The following KIF15 variants were observed in gnomAD, a reference collection of about 807,000 sequenced individuals.
KIF15 encodes kinesin family member 15.
Under a neutral mutation model 190.6 loss-of-function variants are expected in KIF15, and 140 were observed. The observed-to-expected ratio is 0.73, with a 90% CI of 0.64 to 0.84. KIF15 has a LOEUF of 0.84. Among genes scored for constraint, KIF15 ranks in the 40% least tolerant of loss-of-function variants. KIF15 has a pLI of 0.00. For synonymous variants in KIF15, 528 were observed against 551.3 expected (o/e 0.96, Z 0.59); for missense variants, 1,372 against 1,584.4 (o/e 0.87, Z 2.28).
chr3:44,845,350 G>T (rs1210234921), intron 30 of KIF15, among the ~76,000 whole-genome samples: 1 of 152,148 alleles, frequency 6.6e-6, no homozygotes, highest in Non-Finnish European at 1.5e-5. Context: ...TGTATTGGTG[G>T]ATATGGGGGC....
At chr3:44,788,828 C>G (rs1329268801) in intron 7 of KIF15, among the ~76,000 whole-genome samples, 3 of 152,150 alleles carry the variant, frequency 2.0e-5, no homozygotes, top group African/African-American at 7.2e-5. Context: ...TCTTAGAATA[C>G]ATAGTAGAAC....
At chr3:44,861,594 C>A (rs1406046745) in intron 6 of KIF15, among the ~76,000 whole-genome samples, 4 of 152,130 alleles carry the variant, frequency 2.6e-5, no homozygotes, top group African/African-American at 9.6e-5. Flanking sequence ...TAATAAGTTT[C>A]ACCGGGAGCC....
chr3:44,832,996 C>T (rs926082716), intron 26 of KIF15, among the ~76,000 whole-genome samples: 32 of 115,942 alleles, frequency 2.8e-4, no homozygotes, highest in African/African-American at 9.4e-4. Context: ...GGTGACAGAT[C>T]GAGACTCCAT....
chr3:44,824,231 A>G (rs1189370484), intron 20 of KIF15, among the ~76,000 whole-genome samples: 1 of 152,244 alleles, frequency 6.6e-6, no homozygotes, highest in Non-Finnish European at 1.5e-5. Flanking sequence ...GTGTTTTATT[A>G]TAAAAATCTA....
At chr3:44,829,577 T>C (rs1271289309) in intron 24 of KIF15, among the ~76,000 whole-genome samples, 1 of 129,196 alleles carries the variant, frequency 7.7e-6, no homozygotes, top group Non-Finnish European at 1.6e-5. Flanking sequence ...ATATATTATA[T>C]ATGTATATAT....
At chr3:44,839,361 AG>A (rs1698481174) in intron 27 of KIF15, among the ~76,000 whole-genome samples, 1 of 152,030 alleles carries the variant, frequency 6.6e-6, no homozygotes. Context: ...CGACAGAGAG[AG>A]ACTCCATCTC....
At position 44,799,858 on chromosome 3, in the gene KIF15, T is replaced by C. The variant is rs117143017; in HGVS notation, c.1099-456T>C. Among the ~76,000 whole-genome samples, 124 of 152,124 alleles carry C rather than the reference T, an allele frequency of 8.2e-4. 1 individual carries two copies. The East Asian group carries it at 0.022, about 27-fold the overall frequency. Reference sequence around the variant, plus strand: ...GGATTCCTCTGGAGAAGGTTGCTTCTGCCAAGCTCAAGCCCACCCTGCAAG... The same window carrying C: ...GGATTCCTCTGGAGAAGGTTGCTTCCGCCAAGCTCAAGCCCACCCTGCAAG... On this transcript the variant is annotated intron_variant, in intron 10 of 34. Coordinates refer to ENST00000326047, the MANE Select transcript of KIF15 (RefSeq NM_020242.3).
chr3:44,864,444 A>G, intron 6 of KIF15: 1 of 1,476,546 alleles, frequency 6.8e-7, no homozygotes, highest in Non-Finnish European at 9.3e-7. Flanking sequence ...AAGGACAGGA[A>G]CTGAAGCAGA....
At chr3:44,859,247 T>C (rs1699216199) in intron 6 of KIF15, among the ~76,000 whole-genome samples, 1 of 152,234 alleles carries the variant, frequency 6.6e-6, no homozygotes, top group Non-Finnish European at 1.5e-5. Flanking sequence ...TCTCTCACAG[T>C]GGAGGCAACT....
intron 20 of KIF15, among the ~76,000 whole-genome samples, chr3:44,822,605 A>G (rs533480224): frequency 5.3e-5 from 8 of 152,322 alleles, no homozygotes; most frequent in African/African-American, 1.9e-4. Context: ...GTGTTTTCCA[A>G]CTTGGTTCCA....
intron 16 of KIF15, among the ~76,000 whole-genome samples, chr3:44,807,166 T>G (rs1163101231): frequency 6.6e-6 from 1 of 152,226 alleles, no homozygotes. Context: ...TTTGTGTCAC[T>G]TAATGGAAGA....
At chr3:44,829,466 A>G (rs906765376) in intron 24 of KIF15, among the ~76,000 whole-genome samples, 2 of 135,636 alleles carry the variant, frequency 1.5e-5, no homozygotes, top group African/African-American at 2.9e-5. Context: ...TATAATATAT[A>G]TGTATATAAT....
chr3:44,812,353 C>T, intron 18 of KIF15, 64 bp downstream of exon 18: 1 of 1,139,484 alleles, frequency 8.8e-7, no homozygotes. Context: ...CTTGAGGAAA[C>T]ATCCTCAAGG....
At chr3:44,771,840 T>C (rs1461120735) in intron 1 of KIF15, among the ~76,000 whole-genome samples, 1 of 152,154 alleles carries the variant, frequency 6.6e-6, no homozygotes, top group Non-Finnish European at 1.5e-5. Flanking sequence ...TTTTGCAAGA[T>C]CAATTTTTAC....
Position 44,801,990 on chromosome 3 carries a change from C to G in KIF15, c.1509+16C>G. ...GCGAGAACAAGTGAGTATACGGCAT[C>G]TATAATATTTCTAAAAATAAAAGAA... On this transcript the variant is annotated intron_variant, in intron 13 of 34. Transcript: ENST00000326047. The G allele has an allele frequency of 6.6e-7, 1 of 1,522,110 alleles. No homozygotes were observed. Among genetic ancestry groups the G allele is most frequent in the Admixed American group, 1.9e-5 (1 of 52,224 alleles). 94.3% of individuals were successfully genotyped at this position (1,522,110 alleles called of 1,614,324 possible).
chr3:44,778,074 T>C, intron 3 of KIF15, 41 bp from the exon 4 acceptor site: 2 of 1,534,408 alleles, frequency 1.3e-6, no homozygotes, highest in Non-Finnish European at 9.0e-7. Flanking sequence ...AAAAATGTTT[T>C]CATTTTTATG....
chr3:44,845,765 A>G (rs891610547), intron 30 of KIF15, among the ~76,000 whole-genome samples: 7 of 152,292 alleles, frequency 4.6e-5, no homozygotes, highest in Non-Finnish European at 1.0e-4. Context: ...CTCACCCTGC[A>G]ACAGAGCTTA....
intron 1 of KIF15, among the ~76,000 whole-genome samples, chr3:44,764,489 A>G (rs1705300983): frequency 6.6e-6 from 1 of 151,984 alleles, no homozygotes. Context: ...TGATTTGTTT[A>G]TTCTCCTGTT....
chr3:44,813,630 G>GTTTTTTTTTT (rs561892613), intron 19 of KIF15, among the ~76,000 whole-genome samples: 7 of 123,058 alleles, frequency 5.7e-5, no homozygotes, highest in Non-Finnish European at 8.4e-5. Flanking sequence ...TGTTTGTTTT[G>GTTTTTTTTTT]TTTTTTTTTT....
Sources: allele counts gnomAD v4.1 joint callset (sites outside exome capture counted in the v4.1 genomes callset), GRCh38; gene constraint gnomAD v4.1.1; transcripts MANE v1.5; gene names NCBI Gene and HGNC (gene_info 2026-07-23, HGNC 2026-07-21).